BTBD2: variants seen among roughly 807,000 people sequenced by gnomAD.
BTBD2 encodes the protein BTB domain containing 2.
A neutral mutation model predicts 44.0 loss-of-function variants in BTBD2; 15 were observed. That is an observed-to-expected ratio of 0.34 (90% CI 0.23 to 0.53). BTBD2 has a LOEUF of 0.53. BTBD2 is among the 20% of genes least tolerant of loss of function. The probability of loss-of-function intolerance (pLI) is 0.95; values close to 1 mark genes in which losing one functional copy is unlikely to be tolerated. For synonymous variants in BTBD2, 443 were observed against 335.9 expected, an observed-to-expected ratio of 1.32 and a Z score of -3.49; for missense variants, 657 against 746.4, an observed-to-expected ratio of 0.88 and a Z score of 1.39.
chr19:2,015,678 C>T lies in BTBD2; in HGVS notation c.26G>A (p.Arg9His). 2 of 982,926 alleles carry T rather than the reference C, an allele frequency of 2.0e-6. No individual in the cohort carries two copies. The highest frequency in any genetic ancestry group is 1.2e-6 in the Non-Finnish European group (1 of 833,570). 60.9% of individuals were successfully genotyped at this position (982,926 alleles called of 1,614,324 possible). The change falls in exon 1 of 9, where the codon CGT (arginine) becomes CAT (histidine). Residue 9 changes from arginine (R) to histidine (H), a missense_variant. Physicochemically the swap from Arg to His is conservative, Grantham distance 29. This residue lies in a region of BTBD2 where 191 missense variants were observed against 188.5 expected (regional missense o/e 1.01). Coordinates refer to ENST00000255608, the MANE Select transcript of BTBD2 (RefSeq NM_017797.4). MAAGGSGGRASCPPGVGVG... is the reference protein window; with the variant it reads MAAGGSGGHASCPPGVGVG... ...CCCGACCCCCGGCGGGCACGACGCACGCCCGCCGCTCCCACCCGCCGCCAT... is the reference window on the plus strand; with the variant it reads ...CCCGACCCCCGGCGGGCACGACGCATGCCCGCCGCTCCCACCCGCCGCCAT...
intron 1 of BTBD2, among the ~76,000 whole-genome samples, chr19:2,007,573 C>A (rs996541120): frequency 6.6e-6 from 1 of 152,188 alleles, no homozygotes; most frequent in Non-Finnish European, 1.5e-5. Flanking sequence ...CGGTAGCTCA[C>A]ACCTGTAATC....
intron 2 of BTBD2, among the ~76,000 whole-genome samples, chr19:1,994,915 T>C (rs2016230408): frequency 6.6e-6 from 1 of 152,228 alleles, no homozygotes; most frequent in African/African-American, 2.4e-5. Context: ...TTTGGTGTCA[T>C]ATCCAAGTAA....
chr19:1,985,772 C>A lies in BTBD2; in HGVS notation c.*716G>T, dbSNP rs140062110. ...GTCCCATCTTGGGCTGCAGGGACCG[C>A]GAGGGCCGTCCAGGGAGGCTGGACA... On this transcript the variant is annotated 3_prime_UTR_variant, in exon 9 of 9. Coordinates refer to ENST00000255608, the MANE Select transcript of BTBD2 (RefSeq NM_017797.4). 1 of 152,416 alleles carries A rather than the reference C, an allele frequency of 6.6e-6. No homozygotes were observed. The highest frequency in any genetic ancestry group is 1.5e-5 in the Non-Finnish European group (1 of 68,218). 9.4% of individuals were successfully genotyped at this position (152,416 alleles called of 1,614,324 possible).
At chr19:1,999,509 A>AT (rs2016297700) in intron 1 of BTBD2, among the ~76,000 whole-genome samples, 1 of 152,068 alleles carries the variant, frequency 6.6e-6, no homozygotes, top group Non-Finnish European at 1.5e-5. Flanking sequence ...CTACAAAAAC[A>AT]TTGAAAATTA....
chr19:1,992,467 G>A lies in BTBD2; in HGVS notation c.684+553C>T, dbSNP rs115797849. Among the ~76,000 whole-genome samples, 439 of 152,092 alleles carry A rather than the reference G, an allele frequency of 2.9e-3. 1 individual carries two copies. The highest frequency in any genetic ancestry group is 9.6e-3 in the African/African-American group (399 of 41,482). On this transcript the variant is annotated intron_variant, in intron 3 of 8. Coordinates refer to ENST00000255608, the MANE Select transcript of BTBD2 (RefSeq NM_017797.4). ...GTTGCCTAGGCTGGTCTAGAACTCC[G>A]GGCCTCAAGCAATCCTCCCTACTTG...
At chr19:1,987,316 C>T (rs1051287159) in intron 6 of BTBD2, 63 bp from the exon 7 acceptor site, 27 of 1,573,684 alleles carry the variant, frequency 1.7e-5, no homozygotes, top group Non-Finnish European at 2.0e-5. Context: ...TGAGCTGGGG[C>T]GAGCCCACCC....
chr19:1,999,949 A>G (rs367760655), intron 1 of BTBD2, among the ~76,000 whole-genome samples: 98 of 148,706 alleles, frequency 6.6e-4, no homozygotes, highest in African/African-American at 6.5e-4. Context: ...GTGACAGAGC[A>G]AGACTAAAGA....
Position 1,986,367 on chromosome 19 carries a change from G to A in BTBD2, c.*121C>T. ...GATGCTGAGAAAGGTGGCATGGAGT[G>A]GACAGACGGCCTGGGGGACACTGGG... On this transcript the variant is annotated 3_prime_UTR_variant, in exon 9 of 9. Coordinates refer to ENST00000255608, the MANE Select transcript of BTBD2 (RefSeq NM_017797.4). The A allele has an allele frequency of 4.8e-6, 6 of 1,247,172 alleles. No homozygotes were observed. The highest frequency in any genetic ancestry group is 5.7e-6 in the Non-Finnish European group (5 of 873,750). 77.3% of individuals were successfully genotyped at this position (1,247,172 alleles called of 1,614,324 possible). A position where few individuals can be genotyped will look rare whatever the true frequency, so the allele number is the denominator to read the frequency against.
chr19:1,996,807 G>A (rs1431666319), intron 2 of BTBD2, among the ~76,000 whole-genome samples: 1 of 152,026 alleles, frequency 6.6e-6, no homozygotes, highest in Non-Finnish European at 1.5e-5. Context: ...GGAAGTCGGA[G>A]GTCTCAATGA....
rs1164121328 is a variant in BTBD2, at chr19:1,990,588, C to G, written c.790+129G>C. The stretch of plus-strand genomic sequence containing the variant: ...CTGTGCTAGGACCCAAACTCCTGAC[C>G]TGCTGCAAGTGGTGAGGCCCCAGCT... On this transcript the variant is annotated intron_variant, in intron 4 of 8. Coordinates refer to ENST00000255608, the MANE Select transcript of BTBD2 (RefSeq NM_017797.4). The G allele has an allele frequency of 1.0e-5, 9 of 879,222 alleles. No homozygotes were observed. The East Asian group carries it at 2.4e-4, about 23-fold the overall frequency. The allele number at this position is 879,222 out of a possible 1,614,324, so 54.5% of individuals were successfully genotyped here. A position where few individuals can be genotyped will look rare whatever the true frequency, so the allele number is the denominator to read the frequency against.
intron 1 of BTBD2, among the ~76,000 whole-genome samples, chr19:1,999,349 A>T (rs942313260): frequency 1.3e-5 from 2 of 152,208 alleles, no homozygotes; most frequent in Non-Finnish European, 2.9e-5. Context: ...GGCTGGCCCT[A>T]AACAGTGGCT....
chr19:1,986,924 C>G lies in BTBD2; in HGVS notation c.1322G>C (p.Ser441Thr). Residue 441 changes from serine (S) to threonine (T), a missense_variant, in exon 8 of 9, where the codon AGC becomes ACC. Physicochemically the swap from Ser to Thr is moderately conservative, Grantham distance 58. Around this residue, in one of 3 missense-constraint regions of BTBD2, gnomAD observed 449 missense variants for 510.9 expected, o/e 0.88. Transcript: ENST00000255608. ...TVLGQNDTGF[S>T]CDGSASTFRV... ...GAAGGTGCTGGCTGAGCCGTCGCAGCTGAAGCCCGTGTCGTTCTGGCCCAA... is the reference window on the plus strand; with the variant it reads ...GAAGGTGCTGGCTGAGCCGTCGCAGGTGAAGCCCGTGTCGTTCTGGCCCAA... The G allele has an allele frequency of 1.2e-6, 2 of 1,613,324 alleles. No individual in the cohort carries two copies. The highest frequency in any genetic ancestry group is 1.7e-6 in the Non-Finnish European group (2 of 1,179,856).
At chr19:1,992,373 T>C (rs2016191355) in intron 3 of BTBD2, among the ~76,000 whole-genome samples, 1 of 151,992 alleles carries the variant, frequency 6.6e-6, no homozygotes, top group African/African-American at 2.4e-5. Flanking sequence ...ATGCTGGGAT[T>C]ACAGGCATGA....
At chr19:1,993,587 G>A (rs577030862) in intron 2 of BTBD2, among the ~76,000 whole-genome samples, 73 of 152,192 alleles carry the variant, frequency 4.8e-4, no homozygotes, top group Middle Eastern at 6.8e-3. Context: ...CTTCTGGGTG[G>A]ATCATAGAAC....
intron 5 of BTBD2, among the ~76,000 whole-genome samples, chr19:1,989,171 A>C (rs1354072634): frequency 6.6e-6 from 1 of 152,168 alleles, no homozygotes; most frequent in African/African-American, 2.4e-5. Context: ...AGATGGGAGG[A>C]TGGCTGGAGC....
intron 1 of BTBD2, among the ~76,000 whole-genome samples, chr19:2,006,581 T>C (rs888337406): frequency 1.3e-5 from 2 of 152,024 alleles, no homozygotes; most frequent in African/African-American, 2.4e-5. Flanking sequence ...AGTAAATTCC[T>C]TTATCACTTG....
At chr19:2,006,946 T>C (rs2016402772) in intron 1 of BTBD2, among the ~76,000 whole-genome samples, 1 of 152,038 alleles carries the variant, frequency 6.6e-6, no homozygotes, top group South Asian at 2.1e-4. Context: ...CAACCTCTGC[T>C]GCCCAGGTTC....
In BTBD2 at chr19:1,989,064, C is replaced by G. The variant is rs192523381; in HGVS notation, c.988+940G>C. ...GGTAGCTGGGATTACAGGCATGAGC[C>G]ACCACACCCAGCTGATCAACAGTTG... On this transcript the variant is annotated intron_variant, in intron 5 of 8. Transcript: ENST00000255608. 4.2e-3 allele frequency among the ~76,000 whole-genome samples: 636 copies of G among 152,310 alleles called. 6 individuals are homozygous for G. In the Middle Eastern group the frequency reaches 0.044, roughly 11 times the overall value.
At chr19:1,997,072 T>C (rs765036042) in intron 2 of BTBD2, among the ~76,000 whole-genome samples, 4 of 151,260 alleles carry the variant, frequency 2.6e-5, no homozygotes, top group Admixed American at 2.0e-4. Context: ...CCCAGCTACT[T>C]AGGAGGTTGA....
Sources: gnomAD v4.1 joint callset for allele counts (sites outside exome capture counted in the v4.1 genomes callset) on GRCh38, gnomAD v4.1.1 for gene constraint, gnomAD v4.1.1 regional missense constraint, MANE v1.5 for transcripts, NCBI Gene and HGNC (gene_info 2026-07-23, HGNC 2026-07-21) for gene names.